The following ST8SIA6 variants were observed in gnomAD, a reference collection of about 807,000 sequenced individuals.
The protein encoded by ST8SIA6 is ST8 alpha-N-acetyl-neuraminide alpha-2,8-sialyltransferase 6.
In ST8SIA6, 39 loss-of-function variants were observed where a neutral mutation model predicts 33.6. The ratio of observed to expected loss-of-function variants is 1.16; its 90% confidence interval spans 0.90 to 1.52. The LOEUF (loss-of-function observed/expected upper bound fraction) is 1.52. ST8SIA6 is among the 40% of genes most tolerant of loss of function. The pLI is 0.00. For missense variants in ST8SIA6, 441 were observed against 443.8 expected (o/e 0.99, Z 0.06); for synonymous variants, 172 against 167.2 (o/e 1.03, Z -0.22).
chr10:17,435,556 A>T (rs1025681190), intron 2 of ST8SIA6, among the ~76,000 whole-genome samples: 9 of 152,294 alleles, frequency 5.9e-5, no homozygotes, highest in Admixed American at 3.9e-4. Context: ...GAAACCTGGC[A>T]CTTAGGAACA....
chr10:17,358,564 C>A (rs990750651), intron 4 of ST8SIA6, among the ~76,000 whole-genome samples: 7 of 145,500 alleles, frequency 4.8e-5, no homozygotes, highest in Non-Finnish European at 7.5e-5. Context: ...AGGAAAAAAT[C>A]AGAATGTGGA....
At chr10:17,327,309 G>A (rs1256984135) in intron 5 of ST8SIA6, among the ~76,000 whole-genome samples, 183 bp from the exon 6 acceptor site, 1 of 152,162 alleles carries the variant, frequency 6.6e-6, no homozygotes, top group East Asian at 1.9e-4. Context: ...AGCTGGGGCT[G>A]GGCGCAGTGG....
chr10:17,417,177 T>C (rs1851632125), intron 2 of ST8SIA6, among the ~76,000 whole-genome samples: 1 of 152,064 alleles, frequency 6.6e-6, no homozygotes, highest in Admixed American at 6.6e-5. Flanking sequence ...AGTGCCAGGC[T>C]TTTTGAAACA....
Position 17,399,156 on chromosome 10 carries a change from G to C in ST8SIA6, c.201-8536C>G, listed in dbSNP as rs1263305872. 5 of 152,166 alleles carry C rather than the reference G, an allele frequency of 3.3e-5. No individual in the cohort carries two copies. In the East Asian group the frequency reaches 9.6e-4, roughly 29 times the overall value. 9.4% of individuals were successfully genotyped at this position (152,166 alleles called of 1,614,324 possible). A position where few individuals can be genotyped will look rare whatever the true frequency, so the allele number is the denominator to read the frequency against. On this transcript the variant is annotated intron_variant, in intron 2 of 7. Transcript: ENST00000377602. ...CTACAAAGATGAGGGGCAGATTCTG[G>C]CTGCCTTTTAATTTCGTCCTTCACC...
chr10:17,422,280 T>C lies in ST8SIA6; in HGVS notation c.200+31279A>G, dbSNP rs183894453. Among the ~76,000 whole-genome samples the C allele has an allele frequency of 1.4e-4, 22 of 152,324 alleles. No individual in the cohort carries two copies. The East Asian group carries it at 4.2e-3, about 29-fold the overall frequency. On this transcript the variant is annotated intron_variant, in intron 2 of 7. Coordinates refer to ENST00000377602, the MANE Select transcript of ST8SIA6 (RefSeq NM_001004470.3). ...CTAAAACGTTTGTGAAATACCATTT[T>C]CAATGTCCAAAATAATGAATTTATT...
At chr10:17,373,251 G>C (rs1380803597) in intron 3 of ST8SIA6, among the ~76,000 whole-genome samples, 4 of 152,262 alleles carry the variant, frequency 2.6e-5, no homozygotes, top group East Asian at 1.9e-4. Context: ...TGCACAAACT[G>C]TCTTTGTGTC....
intron 5 of ST8SIA6, among the ~76,000 whole-genome samples, chr10:17,328,176 G>T (rs1848192671): frequency 6.6e-6 from 1 of 152,074 alleles, no homozygotes; most frequent in Admixed American, 6.6e-5. Context: ...CTATTCTAAG[G>T]CATAAAATTA....
chr10:17,318,406 G>T lies in ST8SIA6; in HGVS notation c.*2472C>A, dbSNP rs181292906. ...AATTTTTTTGTTTTTTGTAGAGAAG[G>T]GTACTCACTATGTTGCCCAGGCTAG... On this transcript the variant is annotated 3_prime_UTR_variant, in exon 8 of 8. Transcript: ENST00000377602. 3.7e-5 allele frequency: 11 copies of T among 296,966 alleles called. No individual in the cohort carries two copies. Among genetic ancestry groups the T allele is most frequent in the African/African-American group, 1.5e-4 (7 of 45,316 alleles). The allele number at this position is 296,966 out of a possible 1,614,324, so 18.4% of individuals were successfully genotyped here.
At chr10:17,367,902 T>G (rs992463821) in intron 3 of ST8SIA6, among the ~76,000 whole-genome samples, 1 of 152,184 alleles carries the variant, frequency 6.6e-6, no homozygotes, top group African/African-American at 2.4e-5. Flanking sequence ...CTTTTGCATC[T>G]TTAATTGTCC....
intron 4 of ST8SIA6, 69 bp from the exon 5 acceptor site, chr10:17,331,621 G>A: frequency 6.9e-7 from 1 of 1,444,802 alleles, no homozygotes; most frequent in Non-Finnish European, 9.2e-7. Flanking sequence ...AGACCACGAT[G>A]GACAATGCCG....
chr10:17,388,568 A>C (rs1483126476), intron 3 of ST8SIA6, among the ~76,000 whole-genome samples: 2 of 152,222 alleles, frequency 1.3e-5, no homozygotes, highest in African/African-American at 4.8e-5. Flanking sequence ...ACATGAAGGC[A>C]GGAAGACCGC....
chr10:17,321,836 C>T (rs1259698763), intron 7 of ST8SIA6, among the ~76,000 whole-genome samples: 4 of 152,166 alleles, frequency 2.6e-5, no homozygotes, highest in South Asian at 2.1e-4. Context: ...CACAGAGGCT[C>T]ATGCTTGTCA....
chr10:17,362,932 G>A (rs193245870), intron 3 of ST8SIA6, among the ~76,000 whole-genome samples: 1 of 152,118 alleles, frequency 6.6e-6, no homozygotes, highest in African/African-American at 2.4e-5. Context: ...GGCTGATCTC[G>A]AACTCCTGAC....
Position 17,319,400 on chromosome 10 carries a change from G to C in ST8SIA6, c.*1478C>G, listed in dbSNP as rs1004434936. 6.6e-6 allele frequency among the ~76,000 whole-genome samples: 1 copy of C among 152,088 alleles called. No individual in the cohort carries two copies. Among genetic ancestry groups the C allele is most frequent in the Non-Finnish European group, 1.5e-5 (1 of 68,020 alleles). On this transcript the variant is annotated 3_prime_UTR_variant, in exon 8 of 8. Coordinates refer to ENST00000377602, the MANE Select transcript of ST8SIA6 (RefSeq NM_001004470.3). ...AAGATTTTTGGCTAACGTGAATCTA[G>C]GTAGGATTGTTGTAAAATTTCACAC... is the stretch of plus-strand genomic sequence containing the variant.
At chr10:17,445,426 A>G (rs1852670196) in intron 2 of ST8SIA6, among the ~76,000 whole-genome samples, 1 of 152,156 alleles carries the variant, frequency 6.6e-6, no homozygotes, top group Non-Finnish European at 1.5e-5. Flanking sequence ...ATATGGAACC[A>G]CTCTGAGGAA....
rs192668145 is a variant in ST8SIA6 at position 17,406,854 on chromosome 10, G to A, written c.201-16234C>T. Among the ~76,000 whole-genome samples the A allele has an allele frequency of 4.7e-4, 71 of 150,478 alleles. 1 individual carries two copies. In the East Asian group the frequency reaches 0.014, roughly 29 times the overall value. ...TTGTTGCCCAGGCTGGAGTGCAACGGTGCAATCTCAGCTCACCAAAACCTC... is the reference window on the plus strand; with the variant it reads ...TTGTTGCCCAGGCTGGAGTGCAACGATGCAATCTCAGCTCACCAAAACCTC... On this transcript the variant is annotated intron_variant, in intron 2 of 7. Coordinates refer to ENST00000377602, the MANE Select transcript of ST8SIA6 (RefSeq NM_001004470.3).
intron 4 of ST8SIA6, among the ~76,000 whole-genome samples, chr10:17,351,935 G>A (rs1210184444): frequency 6.6e-6 from 1 of 152,010 alleles, no homozygotes; most frequent in Non-Finnish European, 1.5e-5. Flanking sequence ...TTTCAGTTGG[G>A]CAGAAAGAAT....
Position 17,316,545 on chromosome 10 carries a change from T to C in ST8SIA6, c.*4333A>G, listed in dbSNP as rs190734846. Among the ~76,000 whole-genome samples, 312 of 152,286 alleles carry C rather than the reference T, an allele frequency of 2.0e-3. 1 individual carries two copies. Among genetic ancestry groups the C allele is most frequent in the African/African-American group, 6.8e-3 (281 of 41,594 alleles). The stretch of plus-strand genomic sequence containing the variant: ...ATGCAAAAGTGCAATTACTGGACTA[T>C]AGGACAGACATATGATGAATTTTAC... On this transcript the variant is annotated 3_prime_UTR_variant, in exon 8 of 8. Transcript: ENST00000377602.
intron 2 of ST8SIA6, among the ~76,000 whole-genome samples, chr10:17,394,211 A>G (rs1373626130): frequency 6.6e-6 from 1 of 152,110 alleles, no homozygotes; most frequent in Non-Finnish European, 1.5e-5. Flanking sequence ...ATACGTGGAA[A>G]CAAATGAGAG....
Sources: gnomAD v4.1 joint callset for allele counts (sites outside exome capture counted in the v4.1 genomes callset) on GRCh38, gnomAD v4.1.1 for gene constraint, MANE v1.5 for transcripts, NCBI Gene and HGNC (gene_info 2026-07-23, HGNC 2026-07-21) for gene names.